Variants in TRERF1 observed in about 807,000 individuals in gnomAD.
The protein encoded by TRERF1 is transcriptional regulating factor 1.
TRERF1 carries 27 observed loss-of-function variants against 122.9 expected under a neutral mutation model. The ratio of observed to expected loss-of-function variants is 0.22; its 90% CI spans 0.16 to 0.30. TRERF1 has a LOEUF of 0.30. TRERF1 is among the 10% of genes least tolerant of loss of function. The probability of loss-of-function intolerance (pLI) is 1.00; values close to 1 mark genes in which losing one functional copy is unlikely to be tolerated. For synonymous variants in TRERF1, 636 were observed against 641.7 expected, an observed-to-expected ratio of 0.99 and a Z score of 0.13; for missense variants, 1,248 against 1,560.3, an observed-to-expected ratio of 0.80 and a Z score of 3.37.
At position 42,263,238 on chromosome 6, in the gene TRERF1, G is replaced by A; in HGVS notation, c.1884+82C>T. 1 of 1,499,504 alleles carries A rather than the reference G, an allele frequency of 6.7e-7. No individual in the cohort carries two copies. The highest frequency in any genetic ancestry group is 8.9e-7 in the Non-Finnish European group (1 of 1,117,884). 92.9% of individuals were successfully genotyped at this position (1,499,504 alleles called of 1,614,324 possible). ...CAAAGGGATGTCCCCACCCAGGCAG[G>A]TGGGGCAGAGCAGCAACTCACAGCA... On this transcript the variant is annotated intron_variant, in intron 8 of 17. Coordinates refer to ENST00000372922, the Ensembl canonical transcript of TRERF1. This position sits in a 1 kb window ranked among gnomAD's most constrained non-coding sequence, Gnocchi z 5.6.
chr6:42,438,187 G>C (rs1438015832), intron 2 of TRERF1, among the ~76,000 whole-genome samples: 1 of 151,578 alleles, frequency 6.6e-6, no homozygotes, highest in Non-Finnish European at 1.5e-5. Context: ...CTCCCAAAGT[G>C]CTGGGATTAC....
chr6:42,299,239 T>TATCTATCTATCA (rs1284049707), intron 4 of TRERF1, among the ~76,000 whole-genome samples: 4 of 150,960 alleles, frequency 2.6e-5, no homozygotes. Flanking sequence ...TCTATCTATC[T>TATCTATCTATCA]ATCATCTATC....
chr6:42,317,091 A>G lies in TRERF1; in HGVS notation c.-370-16342T>C, dbSNP rs555432398. Among the ~76,000 whole-genome samples, 8 of 152,114 alleles carry G rather than the reference A, an allele frequency of 5.3e-5. No homozygotes were observed. The South Asian group carries it at 1.7e-3, about 32-fold the overall frequency. On this transcript the variant is annotated intron_variant, in intron 3 of 17. Transcript: ENST00000372922. ...CACAAGGACCATTTTCCACACCCCT[A>G]CGATTTCAACCTTCACCAATCAGCA...
intron 4 of TRERF1, among the ~76,000 whole-genome samples, chr6:42,280,500 G>A (rs958342493): frequency 1.3e-5 from 2 of 152,234 alleles, no homozygotes; most frequent in African/African-American, 2.4e-5. Flanking sequence ...GACAGTGTGA[G>A]TGAGTGCTCA....
At chr6:42,387,932 C>T (rs1777079945) in intron 2 of TRERF1, among the ~76,000 whole-genome samples, 1 of 152,210 alleles carries the variant, frequency 6.6e-6, no homozygotes, top group African/African-American at 2.4e-5. Flanking sequence ...CTCAGCCTCC[C>T]GAGTAGCTGG....
chr6:42,225,193 C>T (rs1470871044), downstream of TRERF1: 1 of 146,396 alleles, frequency 6.8e-6, no homozygotes, highest in Non-Finnish European at 1.5e-5. Context: ...TAGAATGCCC[C>T]AGTTTCCTTT....
At chr6:42,289,351 A>C (rs539489892) in intron 4 of TRERF1, among the ~76,000 whole-genome samples, 24 of 151,762 alleles carry the variant, frequency 1.6e-4, no homozygotes, top group Non-Finnish European at 2.5e-4. Context: ...AACAAACAAA[A>C]AAAAAACAAA....
rs541548085 is a variant in TRERF1, at chr6:42,263,510, G to A, written c.1694C>T (p.Pro565Leu). The change falls in exon 8 of 18, where the codon CCG becomes CTG. Residue 565 changes from proline to leucine, a missense_variant. This residue lies in a region of TRERF1 where 946 missense variants were observed against 1,073.0 expected (regional missense o/e 0.88). Coordinates refer to ENST00000372922, the Ensembl canonical transcript of TRERF1. This position sits in a 1 kb window ranked among gnomAD's most constrained non-coding sequence, Gnocchi z 5.6. ...AGGGAGCTGTGGTGGCGGCGGAGGCGGAGGCGGAGGCGGCAGTGGTGGCTG... is the reference window on the plus strand; with the variant it reads ...AGGGAGCTGTGGTGGCGGCGGAGGCAGAGGCGGAGGCGGCAGTGGTGGCTG... 7.0e-6 allele frequency: 11 copies of A among 1,566,594 alleles called. No homozygotes were observed. The highest frequency in any genetic ancestry group is 2.3e-5 in the East Asian group (1 of 43,738).
intron 2 of TRERF1, among the ~76,000 whole-genome samples, chr6:42,384,674 C>T (rs966480161): frequency 6.6e-6 from 1 of 152,218 alleles, no homozygotes; most frequent in African/African-American, 2.4e-5. Flanking sequence ...TCTAGTTCTA[C>T]CACCACCATG....
intron 2 of TRERF1, among the ~76,000 whole-genome samples, chr6:42,384,645 A>G (rs1225790521): frequency 6.6e-6 from 1 of 152,184 alleles, no homozygotes; most frequent in Non-Finnish European, 1.5e-5. Flanking sequence ...GCAAAAAGAA[A>G]AAGTTTCTAA....
At chr6:42,430,124 A>T (rs375702) in intron 2 of TRERF1, among the ~76,000 whole-genome samples, 144,194 of 151,412 alleles carry the variant, frequency 0.95, 68,909 homozygotes, top group East Asian at 1. Flanking sequence ...AGGGGGGCTA[A>T]GGACTACTGT....
chr6:42,290,616 C>T (rs531131180), intron 4 of TRERF1, among the ~76,000 whole-genome samples: 1 of 151,564 alleles, frequency 6.6e-6, no homozygotes, highest in East Asian at 1.9e-4. Context: ...TATGTCCCAT[C>T]ACCCAGAACA....
intron 2 of TRERF1, among the ~76,000 whole-genome samples, chr6:42,438,357 C>A (rs1413979496): frequency 6.6e-6 from 1 of 151,642 alleles, no homozygotes; most frequent in African/African-American, 2.4e-5. Context: ...CGCCTGTAAT[C>A]CCAGCACTTC....
intron 4 of TRERF1, among the ~76,000 whole-genome samples, chr6:42,293,391 G>A (rs1474690801): frequency 6.6e-6 from 1 of 152,176 alleles, no homozygotes; most frequent in Non-Finnish European, 1.5e-5. Flanking sequence ...CCCGGTCCCA[G>A]GCCAAAGAGC....
chr6:42,283,722 G>T (rs970075029), intron 4 of TRERF1, among the ~76,000 whole-genome samples: 1 of 150,042 alleles, frequency 6.7e-6, no homozygotes, highest in African/African-American at 2.5e-5. Flanking sequence ...GTTCAAGTGA[G>T]TCTCCTGCCT....
chr6:42,427,166 C>T (rs1783746549), intron 2 of TRERF1, among the ~76,000 whole-genome samples: 1 of 151,958 alleles, frequency 6.6e-6, no homozygotes, highest in Non-Finnish European at 1.5e-5. Flanking sequence ...ATAAAAAATA[C>T]ATAAATAAAT....
chr6:42,415,648 T>G (rs948527248), intron 2 of TRERF1, among the ~76,000 whole-genome samples: 48 of 152,312 alleles, frequency 3.2e-4, no homozygotes, highest in Admixed American at 2.5e-3. Flanking sequence ...AATACTGCGT[T>G]TATCACAAAA....
intron 2 of TRERF1, among the ~76,000 whole-genome samples, chr6:42,444,178 C>CTTT (rs201969394): frequency 0.022 from 2,925 of 133,744 alleles, 62 homozygotes; most frequent in Middle Eastern, 0.06. Context: ...GCAGCCTTTG[C>CTTT]TTTTTTTTTT....
chr6:42,368,278 A>G (rs963055625), intron 2 of TRERF1, among the ~76,000 whole-genome samples: 1 of 152,152 alleles, frequency 6.6e-6, no homozygotes. Context: ...AGTCACCCTC[A>G]GCAAGGACAG....
Sources: gnomAD v4.1 joint callset for allele counts (sites outside exome capture counted in the v4.1 genomes callset) on GRCh38, gnomAD v4.1.1 for gene constraint, gnomAD v4.1.1 regional missense constraint, Gnocchi (gnomAD v3.1) non-coding constraint, MANE v1.5 for transcripts, NCBI Gene and HGNC (gene_info 2026-07-23, HGNC 2026-07-21) for gene names.